The following WDR17 variants were observed in gnomAD, a reference collection of about 807,000 sequenced individuals.
WDR17 encodes the protein WD repeat-containing protein 17.
A neutral mutation model predicts 161.7 loss-of-function variants in WDR17; 143 were observed. That is an observed-to-expected ratio of 0.88 (90% CI 0.77 to 1.02). The LOEUF (loss-of-function observed/expected upper bound fraction) is 1.02. Ranked by LOEUF, WDR17 falls within the 50% of genes least tolerant of loss-of-function variation. WDR17 has a pLI of 0.00. For missense variants in WDR17, 1,469 were observed against 1,520.9 expected, an observed-to-expected ratio of 0.97 and a Z score of 0.57; for synonymous variants, 517 against 515.6, an observed-to-expected ratio of 1.00 and a Z score of -0.04.
intron 1 of WDR17, among the ~76,000 whole-genome samples, chr4:176,094,916 AT>A (rs1430889749): frequency 5.3e-5 from 8 of 152,292 alleles, no homozygotes; most frequent in African/African-American, 1.9e-4. Context: ...AAAGAGATAC[AT>A]TAGGTTTTAA....
intron 2 of WDR17, among the ~76,000 whole-genome samples, chr4:176,113,431 C>T (rs937810512): frequency 1.3e-5 from 2 of 151,930 alleles, no homozygotes; most frequent in Non-Finnish European, 2.9e-5. Flanking sequence ...GTAATATAAA[C>T]AATGTACATG....
At chr4:176,092,562 C>T (rs149486663) in intron 1 of WDR17, among the ~76,000 whole-genome samples, 19 of 152,188 alleles carry the variant, frequency 1.2e-4, no homozygotes, top group Middle Eastern at 3.4e-3. Flanking sequence ...AAGGGATAAA[C>T]GGCATCCAAG....
intron 21 of WDR17, 137 bp downstream of exon 21, chr4:176,162,311 A>ACT: frequency 6.2e-6 from 4 of 649,884 alleles, no homozygotes; most frequent in East Asian, 3.0e-5. Flanking sequence ...TTAAGTAATT[A>ACT]CATTCCTAAT....
intron 11 of WDR17, among the ~76,000 whole-genome samples, chr4:176,142,472 C>T (rs1465868842): frequency 1.3e-5 from 2 of 152,136 alleles, no homozygotes; most frequent in Non-Finnish European, 1.5e-5. Context: ...GATGCTAATG[C>T]CTCTGGCACT....
intron 9 of WDR17, 31 bp from the exon 10 acceptor site, chr4:176,139,861 C>A: frequency 1.3e-6 from 2 of 1,545,826 alleles, no homozygotes; most frequent in Non-Finnish European, 1.8e-6. Context: ...TGAATTATTT[C>A]TTATTGATAG....
At chr4:176,100,750 TG>T (rs1737688833) in intron 1 of WDR17, among the ~76,000 whole-genome samples, 1 of 151,998 alleles carries the variant, frequency 6.6e-6, no homozygotes, top group South Asian at 2.1e-4. Flanking sequence ...CATCTTGAAT[TG>T]TTTTTTTTAA....
rs1749117365 is a variant in WDR17, at chr4:176,162,092, G to A, written c.2768G>A (p.Ser923Asn). 1.2e-6 allele frequency: 2 copies of A among 1,612,602 alleles called. No homozygotes were observed. Among genetic ancestry groups the A allele is most frequent in the Non-Finnish European group, 1.7e-6 (2 of 1,179,270 alleles). ...CTTTCTAGACTCCTGCACAAAGTCA[G>A]TAAAGAACTGGCAGAATGGTATTTT... ...EDFNELLHKVSKELAEWYFQD... is the reference protein window; with the variant it reads ...EDFNELLHKVNKELAEWYFQD... The change falls in exon 21 of 29, where the codon AGT becomes AAT. Residue 923 changes from serine (S) to asparagine (N), a missense_variant. Coordinates refer to ENST00000508596, the MANE Select transcript of WDR17 (RefSeq NM_181265.4).
chr4:176,147,924 T>C (rs1369814559), intron 12 of WDR17, among the ~76,000 whole-genome samples: 4 of 152,146 alleles, frequency 2.6e-5, no homozygotes, highest in African/African-American at 9.6e-5. Flanking sequence ...TTGATTTAAT[T>C]ATTCCACATT....
chr4:176,150,166 G>A lies in WDR17; in HGVS notation c.2171G>A (p.Cys724Tyr). ...AAAAAACTAAGATGGTTCTCAGAATGTTTATCTGTAAGTATTACAGGAATT... is the reference window on the plus strand; with the variant it reads ...AAAAAACTAAGATGGTTCTCAGAATATTTATCTGTAAGTATTACAGGAATT... ...QVKKLRWFSE[C>Y]LSPPGGSDNL... The change falls in exon 15 of 29, where the codon TGT becomes TAT. Residue 724 changes from cysteine to tyrosine, a missense_variant. By Grantham distance (194) the Cys-to-Tyr change is radical. Coordinates refer to ENST00000508596, the MANE Select transcript of WDR17 (RefSeq NM_181265.4). 2 of 1,612,492 alleles carry A rather than the reference G, an allele frequency of 1.2e-6. No individual in the cohort carries two copies. Among genetic ancestry groups the A allele is most frequent in the Non-Finnish European group, 1.7e-6 (2 of 1,179,774 alleles).
Position 176,172,476 on chromosome 4 carries a change from A to T in WDR17, c.3204A>T (p.Glu1068Asp), listed in dbSNP as rs781725599. Reference protein sequence around the residue: ...ETVKYYLLSQEPEKALPIGIS... With the variant: ...ETVKYYLLSQDPEKALPIGIS... ...TAAAATATTACTTGTTAAGTCAAGA[A>T]CCTGAAAAAGCCCTTCCTATTGGTA... The change falls in exon 24 of 29, where the codon GAA becomes GAT. Residue 1068 changes from glutamate (E) to aspartate (D), a missense_variant. Glu to Asp is a conservative substitution (Grantham distance 45). Transcript: ENST00000508596. The T allele has an allele frequency of 6.2e-7, 1 of 1,608,598 alleles. No individual in the cohort carries two copies. Among genetic ancestry groups the T allele is most frequent in the East Asian group, 2.2e-5 (1 of 44,778 alleles).
intron 1 of WDR17, among the ~76,000 whole-genome samples, chr4:176,088,582 A>T (rs536957972): frequency 6.6e-6 from 1 of 152,336 alleles, no homozygotes; most frequent in East Asian, 1.9e-4. Context: ...CTTTCAGAAC[A>T]TGATAGTGGC....
intron 17 of WDR17, among the ~76,000 whole-genome samples, chr4:176,154,956 A>G: frequency 6.6e-6 from 1 of 152,194 alleles, no homozygotes; most frequent in Non-Finnish European, 1.5e-5. Context: ...AGCTTCTTCA[A>G]TAGAAGTCCA....
intron 18 of WDR17, among the ~76,000 whole-genome samples, chr4:176,157,146 A>G (rs1005093212): frequency 6.6e-6 from 1 of 152,096 alleles, no homozygotes; most frequent in Non-Finnish European, 1.5e-5. Context: ...TCTCTGTTCT[A>G]TTTTATTCTA....
At chr4:176,088,182 T>TA (rs1470368079) in intron 1 of WDR17, among the ~76,000 whole-genome samples, 1 of 152,092 alleles carries the variant, frequency 6.6e-6, no homozygotes, top group Non-Finnish European at 1.5e-5. Context: ...AATTATCTGG[T>TA]AAAAATACTT....
chr4:176,139,440 T>G (rs1744906836), intron 9 of WDR17, among the ~76,000 whole-genome samples: 1 of 151,932 alleles, frequency 6.6e-6, no homozygotes, highest in African/African-American at 2.4e-5. Flanking sequence ...CTTTATAAAA[T>G]AGAACTTTGA....
chr4:176,150,241 T>A, intron 15 of WDR17, 68 bp downstream of exon 15: 2 of 1,577,082 alleles, frequency 1.3e-6, no homozygotes, highest in Non-Finnish European at 1.7e-6. Flanking sequence ...CAACTATTTT[T>A]ATTCACATAT....
intron 1 of WDR17, among the ~76,000 whole-genome samples, chr4:176,074,130 C>T (rs1203844501): frequency 6.6e-6 from 1 of 151,722 alleles, no homozygotes; most frequent in African/African-American, 2.4e-5. Flanking sequence ...TAAATTTTGG[C>T]TTTTGTTGCC....
intron 1 of WDR17, among the ~76,000 whole-genome samples, chr4:176,095,418 G>C (rs1327155740): frequency 1.3e-5 from 2 of 152,150 alleles, no homozygotes; most frequent in Non-Finnish European, 2.9e-5. Context: ...GCTTCACTCA[G>C]ATATTATTGA....
rs775172676 is a variant in WDR17 at position 176,100,726 on chromosome 4, T to C, written c.-6-10849T>C. Reference sequence around the variant, plus strand: ...ATTTTTATAGTTTCTGATCTTGCATTTAAGTGTTTAGTACATCTTGAATTG... The same window carrying C: ...ATTTTTATAGTTTCTGATCTTGCATCTAAGTGTTTAGTACATCTTGAATTG... On this transcript the variant is annotated intron_variant, in intron 1 of 28. Transcript: ENST00000508596. Among the ~76,000 whole-genome samples the C allele has an allele frequency of 2.7e-4, 41 of 152,314 alleles. 2 individuals carry two copies. In the Middle Eastern group the frequency reaches 0.01, roughly 38 times the overall value.
Sources: allele counts gnomAD v4.1 joint callset (sites outside exome capture counted in the v4.1 genomes callset), GRCh38; gene constraint gnomAD v4.1.1; transcripts MANE v1.5; gene names NCBI Gene and HGNC (gene_info 2026-07-23, HGNC 2026-07-21).